The following ZNF469 variants were observed in gnomAD, a reference collection of about 807,000 sequenced individuals.
ZNF469 encodes the protein zinc finger protein 469.
A neutral mutation model predicts 1.0 loss-of-function variants in ZNF469; 1 was observed. The ratio of observed to expected loss-of-function variants is 1.00; its 90% CI spans 0.35 to 4.73. The LOEUF is 4.73. ZNF469 is among the 30% of genes most tolerant of loss of function. The probability of loss-of-function intolerance (pLI) is 0.16; values close to 1 mark genes in which losing one functional copy is unlikely to be tolerated. For synonymous variants in ZNF469, 2,703 were observed against 2,363.4 expected, an observed-to-expected ratio of 1.14 and a Z score of -4.17; for missense variants, 6,100 against 5,356.3, an observed-to-expected ratio of 1.14 and a Z score of -4.33.
At chr16:88,347,744 C>T in the ZNF469 span, among the ~76,000 whole-genome samples, 2 of 152,226 alleles carry the variant, frequency 1.3e-5, no homozygotes, top group Non-Finnish European at 2.9e-5. Flanking sequence ...CTTCGCCTTT[C>T]CAGCCTTGGC....
At chr16:88,308,879 C>G in the ZNF469 span, among the ~76,000 whole-genome samples, 1 of 152,204 alleles carries the variant, frequency 6.6e-6, no homozygotes, top group Admixed American at 6.5e-5. Flanking sequence ...GGCCCAGCCT[C>G]TGCATCCTGA....
the ZNF469 span, chr16:88,302,339 T>C: frequency 6.6e-6 from 1 of 152,374 alleles, no homozygotes; most frequent in African/African-American, 2.4e-5. Context: ...CAATGGAGTC[T>C]CACTCAAGAT....
At chr16:88,340,778 G>T in the ZNF469 span, among the ~76,000 whole-genome samples, 6 of 150,896 alleles carry the variant, frequency 4.0e-5, no homozygotes, top group African/African-American at 1.5e-4. Flanking sequence ...GGAGGGTGGG[G>T]CAGAGGAGAG....
chr16:88,292,086 C>T, the ZNF469 span, among the ~76,000 whole-genome samples: 7 of 152,120 alleles, frequency 4.6e-5, no homozygotes, highest in African/African-American at 1.7e-4. Flanking sequence ...ATATGCGGGT[C>T]ACAATTAAGG....
the ZNF469 span, among the ~76,000 whole-genome samples, chr16:88,264,944 C>T: frequency 4.4e-3 from 663 of 152,238 alleles, 10 homozygotes; most frequent in East Asian, 0.045. Context: ...ATCCAGGGAG[C>T]GGGCACACAG....
At chr16:88,163,817 C>T in the ZNF469 span, among the ~76,000 whole-genome samples, 1,132 of 148,678 alleles carry the variant, frequency 7.6e-3, 5 homozygotes, top group African/African-American at 0.027. Flanking sequence ...GGATGGGTGG[C>T]TGGATGCAGG....
At chr16:88,233,183 G>C in the ZNF469 span, among the ~76,000 whole-genome samples, 16 of 152,358 alleles carry the variant, frequency 1.1e-4, no homozygotes, top group East Asian at 1.9e-3. Flanking sequence ...TGGTGAGAAA[G>C]AGGCTGTGGG....
chr16:88,290,189 C>T, the ZNF469 span, among the ~76,000 whole-genome samples: 8 of 152,374 alleles, frequency 5.3e-5, no homozygotes, highest in South Asian at 2.1e-4. Context: ...CTAATATGTA[C>T]GCTGCACCAC....
At chr16:88,422,996 G>C (rs1233608780) in intron 1 of ZNF469, among the ~76,000 whole-genome samples, 2 of 151,210 alleles carry the variant, frequency 1.3e-5, no homozygotes, top group Non-Finnish European at 2.9e-5. Flanking sequence ...TGGATGGATA[G>C]ATGGATCAAT....
the ZNF469 span, among the ~76,000 whole-genome samples, chr16:88,278,642 G>C: frequency 3.7e-5 from 5 of 135,932 alleles, no homozygotes; most frequent in African/African-American, 1.0e-4. Flanking sequence ...TGCACGGTTA[G>C]TGCTGCCTCA....
At chr16:88,389,200 C>T (rs973108089) in intron 1 of ZNF469, among the ~76,000 whole-genome samples, 29 of 152,344 alleles carry the variant, frequency 1.9e-4, no homozygotes, top group African/African-American at 7.0e-4. Context: ...CCTCGGCAGC[C>T]GCTCCTTCCT....
chr16:88,412,144 G>A (rs1314515480), intron 1 of ZNF469, among the ~76,000 whole-genome samples: 2 of 152,118 alleles, frequency 1.3e-5, no homozygotes, highest in Non-Finnish European at 2.9e-5. Flanking sequence ...TCCATCAGGA[G>A]CCCACCACGC....
chr16:88,321,294 G>C, the ZNF469 span, among the ~76,000 whole-genome samples: 2 of 152,288 alleles, frequency 1.3e-5, no homozygotes, highest in Admixed American at 6.5e-5. Flanking sequence ...GCAGCCTTCA[G>C]GCAGAATCCA....
the ZNF469 span, among the ~76,000 whole-genome samples, chr16:88,227,789 C>T: frequency 3.7e-4 from 57 of 152,346 alleles, no homozygotes; most frequent in African/African-American, 1.3e-3. Flanking sequence ...ACGCATCCCC[C>T]ACAGCCCTGA....
At chr16:88,374,447 G>A in the ZNF469 span, among the ~76,000 whole-genome samples, 2 of 152,234 alleles carry the variant, frequency 1.3e-5, no homozygotes, top group African/African-American at 2.4e-5. Flanking sequence ...GGGAGGCAGA[G>A]AAGAAGGGGC....
At chr16:88,269,345 C>T in the ZNF469 span, among the ~76,000 whole-genome samples, 1 of 152,092 alleles carries the variant, frequency 6.6e-6, no homozygotes, top group African/African-American at 2.4e-5. Context: ...CAGGTGGGTG[C>T]ACCCGGACGG....
chr16:88,421,527 C>T (rs1401735497), intron 1 of ZNF469, among the ~76,000 whole-genome samples: 2 of 152,184 alleles, frequency 1.3e-5, no homozygotes, highest in African/African-American at 4.8e-5. Context: ...GTCCCCGAGC[C>T]CCTGGAGGGA....
At chr16:88,299,811 A>C in the ZNF469 span, among the ~76,000 whole-genome samples, 1 of 152,140 alleles carries the variant, frequency 6.6e-6, no homozygotes, top group Non-Finnish European at 1.5e-5. Flanking sequence ...GAGTTGCCTG[A>C]CCCTGAGCAG....
the ZNF469 span, among the ~76,000 whole-genome samples, chr16:88,243,623 A>C: frequency 6.6e-6 from 1 of 151,952 alleles, no homozygotes. Context: ...GGTCCAGAGG[A>C]GATGCCTCCT....
Sources: gnomAD v4.1 joint callset for allele counts (sites outside exome capture counted in the v4.1 genomes callset) on GRCh38, gnomAD v4.1.1 for gene constraint, MANE v1.5 for transcripts, NCBI Gene and HGNC (gene_info 2026-07-23, HGNC 2026-07-21) for gene names.